The following SLC8A3 variants were observed in gnomAD, a reference collection of about 807,000 sequenced individuals.
The protein encoded by SLC8A3 is solute carrier family 8 member A3.
Under a neutral mutation model 65.4 loss-of-function variants are expected in SLC8A3, and 37 were observed. The observed-to-expected ratio is 0.57, with a 90% CI of 0.44 to 0.74. The LOEUF is 0.74. SLC8A3 is among the 30% of genes least tolerant of loss of function. SLC8A3 has a pLI of 0.00. For missense variants in SLC8A3, 1,112 were observed against 1,172.1 expected, an observed-to-expected ratio of 0.95 and a Z score of 0.75; for synonymous variants, 461 against 444.5, an observed-to-expected ratio of 1.04 and a Z score of -0.47.
At chr14:70,125,733 A>C (rs1242440471) in intron 2 of SLC8A3, among the ~76,000 whole-genome samples, 1 of 152,094 alleles carries the variant, frequency 6.6e-6, no homozygotes, top group African/African-American at 2.4e-5. Context: ...TTCTATTTTC[A>C]GTTCTTTGAG....
intron 1 of SLC8A3, among the ~76,000 whole-genome samples, chr14:70,182,356 G>T (rs905415607): frequency 6.6e-6 from 1 of 152,152 alleles, no homozygotes; most frequent in African/African-American, 2.4e-5. Flanking sequence ...TATCCACACT[G>T]CAGTAACAGC....
At chr14:70,126,147 G>A (rs1177660676) in intron 2 of SLC8A3, among the ~76,000 whole-genome samples, 2 of 152,160 alleles carry the variant, frequency 1.3e-5, no homozygotes, top group African/African-American at 4.8e-5. Context: ...GAAATGGAAA[G>A]CCTAATGTAT....
At chr14:70,127,226 A>G (rs78175767) in intron 2 of SLC8A3, among the ~76,000 whole-genome samples, 7,176 of 152,216 alleles carry the variant, frequency 0.047, 213 homozygotes, top group Middle Eastern at 0.078. Context: ...CCTACCATTG[A>G]GAACCAAATA....
intron 1 of SLC8A3, among the ~76,000 whole-genome samples, chr14:70,180,609 T>G (rs77089833): frequency 6.6e-6 from 1 of 152,116 alleles, no homozygotes; most frequent in Non-Finnish European, 1.5e-5. Context: ...AGTGGTATGT[T>G]TGGGGTAGGT....
rs372758774 is a variant in SLC8A3, at chr14:70,167,722, C to T, written c.701G>A (p.Gly234Asp). ...TGGAAAGAAGAAGAGAGTGAGGAGG[C>T]CTTCCCAAACCTGGACCACACCAGG... ...FSPGVVQVWE[G>D]LLTLFFFPVC... Residue 234 changes from glycine to aspartate, a missense_variant, in exon 2 of 7, where the codon GGC becomes GAC. Gly to Asp is a moderately conservative substitution (Grantham distance 94, BLOSUM62 -1). Transcript: ENST00000356921. The T allele has an allele frequency of 6.2e-7, 1 of 1,613,996 alleles. No homozygotes were observed. The highest frequency in any genetic ancestry group is 8.5e-7 in the Non-Finnish European group (1 of 1,180,018).
At chr14:70,155,213 G>A (rs908321238) in intron 2 of SLC8A3, among the ~76,000 whole-genome samples, 1 of 151,904 alleles carries the variant, frequency 6.6e-6, no homozygotes, top group Non-Finnish European at 1.5e-5. Flanking sequence ...GAGCAACCAC[G>A]CCCAGCTGAA....
intron 3 of SLC8A3, 44 bp from the exon 4 acceptor site, chr14:70,052,158 T>C: frequency 6.4e-7 from 1 of 1,555,878 alleles, no homozygotes; most frequent in Non-Finnish European, 8.7e-7. Flanking sequence ...CCTTTTCCAT[T>C]CCCTGGAAGG....
intron 2 of SLC8A3, among the ~76,000 whole-genome samples, chr14:70,138,939 T>A (rs1402237029): frequency 6.6e-6 from 1 of 152,246 alleles, no homozygotes; most frequent in Admixed American, 6.5e-5. Flanking sequence ...ACCTGCCCAG[T>A]GCCAGGCGCT....
intron 2 of SLC8A3, among the ~76,000 whole-genome samples, chr14:70,154,110 T>C (rs1896435093): frequency 1.3e-5 from 2 of 152,202 alleles, no homozygotes; most frequent in Non-Finnish European, 2.9e-5. Flanking sequence ...GTTACCCCTA[T>C]GTTAAAAGGA....
At position 70,049,016 on chromosome 14, in the gene SLC8A3, C is replaced by A; in HGVS notation, c.2140G>T (p.Gly714Trp). 1 of 1,612,588 alleles carries A rather than the reference C, an allele frequency of 6.2e-7. No individual in the cohort carries two copies. ...AAGDEDEDES[G>W]EERLPSCFDY... The stretch of plus-strand genomic sequence containing the variant: ...AAGCAGGAGGGCAGCCTCTCCTCCC[C>A]GGATTCATCCTCATCCTCATCCCCT... Residue 714 changes from glycine (G) to tryptophan (W), a missense_variant, in exon 6 of 7, where the codon GGG becomes TGG. Gly to Trp is a radical substitution (Grantham distance 184). Coordinates refer to ENST00000356921, the MANE Select transcript of SLC8A3 (RefSeq NM_182932.3).
At chr14:70,072,129 G>C (rs1181465165) in intron 2 of SLC8A3, among the ~76,000 whole-genome samples, 3 of 152,152 alleles carry the variant, frequency 2.0e-5, no homozygotes, top group African/African-American at 7.2e-5. Flanking sequence ...ACCCATTTGA[G>C]GACTTGATGC....
Position 70,167,617 on chromosome 14 carries a change from TTGTC to T in SLC8A3, c.802_805del (p.Asp268AsnfsTer7). 2 of 1,614,178 alleles carry T rather than the reference TTGTC, an allele frequency of 1.2e-6. No individual in the cohort carries two copies. The highest frequency in any genetic ancestry group is 1.7e-5 in the Admixed American group (1 of 60,020). ...TGTCTCTATGATAATTCCTCGGTGT[TTGTC>T]TGTGCGGTACTTTTTGTGCATGTAT... On this transcript the variant is annotated frameshift_variant, in exon 2 of 7. Transcript: ENST00000356921. LOFTEE classifies it high-confidence loss of function.
rs143257418 is a variant in SLC8A3, at chr14:70,110,975, C to T, written c.1785-50036G>A. ...GATTACAGGCGTGAGCCACCGCGCC[C>T]GGCTGCAGATACCTCTTTCATATAC... is the stretch of plus-strand genomic sequence containing the variant. On this transcript the variant is annotated intron_variant, in intron 2 of 6. Transcript: ENST00000356921. Among the ~76,000 whole-genome samples, 888 of 152,090 alleles carry T rather than the reference C, an allele frequency of 5.8e-3. 10 individuals are homozygous for T. Among genetic ancestry groups the T allele is most frequent in the African/African-American group, 0.02 (833 of 41,474 alleles).
chr14:70,155,322 A>G (rs1051032684), intron 2 of SLC8A3, among the ~76,000 whole-genome samples: 2 of 152,108 alleles, frequency 1.3e-5, no homozygotes, highest in African/African-American at 2.4e-5. Flanking sequence ...GTGCTACAAA[A>G]CACTAGAACT....
rs1249516093 is a variant in SLC8A3, at chr14:70,051,217, A to T, written c.2014-110T>A. ...TGCCCTGTCTCCAAGGTGTTCTGAC[A>T]GTTACGCATGGAATGGCCTTGGGCG... On this transcript the variant is annotated intron_variant, in intron 4 of 6. Transcript: ENST00000356921. 1.2e-5 allele frequency: 9 copies of T among 725,440 alleles called. No individual in the cohort carries two copies. The East Asian group carries it at 2.4e-4, about 19-fold the overall frequency. 44.9% of individuals were successfully genotyped at this position (725,440 alleles called of 1,614,324 possible). A position where few individuals can be genotyped will look rare whatever the true frequency, so the allele number is the denominator to read the frequency against.
intron 3 of SLC8A3, among the ~76,000 whole-genome samples, chr14:70,059,983 G>A (rs1266368472): frequency 6.6e-6 from 1 of 152,140 alleles, no homozygotes; most frequent in Non-Finnish European, 1.5e-5. Context: ...CCTGAATGAG[G>A]CACCCAACCT....
At chr14:70,102,437 CAAT>C (rs1892605115) in intron 2 of SLC8A3, among the ~76,000 whole-genome samples, 1 of 151,832 alleles carries the variant, frequency 6.6e-6, no homozygotes, top group African/African-American at 2.4e-5. Flanking sequence ...ATACAGCAAA[CAAT>C]AAATAATTAC....
chr14:70,150,043 G>T (rs1356685334), intron 2 of SLC8A3, among the ~76,000 whole-genome samples: 2 of 152,098 alleles, frequency 1.3e-5, no homozygotes, highest in Non-Finnish European at 1.5e-5. Context: ...GCTAATCCCG[G>T]GATTGGGGAG....
chr14:70,073,157 G>A (rs538042703), intron 2 of SLC8A3, among the ~76,000 whole-genome samples: 1 of 151,952 alleles, frequency 6.6e-6, no homozygotes, highest in East Asian at 1.9e-4. Flanking sequence ...TTATATTACT[G>A]CTTATGTGTG....
Sources: gnomAD v4.1 joint callset for allele counts (sites outside exome capture counted in the v4.1 genomes callset) on GRCh38, gnomAD v4.1.1 for gene constraint, MANE v1.5 for transcripts, NCBI Gene and HGNC (gene_info 2026-07-23, HGNC 2026-07-21) for gene names.